Variants in DENND1A observed in about 807,000 individuals in gnomAD.
DENND1A encodes the protein DENN domain containing 1A.
DENND1A carries 51 observed loss-of-function variants against 113.7 expected under a neutral mutation model. The observed-to-expected ratio is 0.45, with a 90% CI of 0.36 to 0.57. The LOEUF (loss-of-function observed/expected upper bound fraction) is 0.57, where lower values mean the gene tolerates loss of function less well. Among genes scored for constraint, DENND1A ranks in the 20% least tolerant of loss-of-function variants. DENND1A has a pLI of 0.00. For synonymous variants in DENND1A, 565 were observed against 570.8 expected, an observed-to-expected ratio of 0.99 and a Z score of 0.14; for missense variants, 1,258 against 1,395.9, an observed-to-expected ratio of 0.90 and a Z score of 1.57.
intron 13 of DENND1A, among the ~76,000 whole-genome samples, chr9:123,491,473 G>T (rs1055664690): frequency 1.3e-5 from 2 of 152,128 alleles, no homozygotes; most frequent in African/African-American, 4.8e-5. Context: ...CGCATTGTGG[G>T]GCCTTACCTT....
At chr9:123,674,349 CACACA>C (rs2063931512) in intron 6 of DENND1A, among the ~76,000 whole-genome samples, 1 of 89,912 alleles carries the variant, frequency 1.1e-5, no homozygotes, top group South Asian at 3.4e-4. Context: ...CTCTCACACA[CACACA>C]CACACACACA....
Position 123,381,894 on chromosome 9 carries a change from C to A in DENND1A, c.2751G>T (p.Gly917=). ...PLVSTPAGPF[G]APPASLGPAF... is the part of the protein sequence containing the mutation. Reference sequence around the variant, plus strand: ...CCGGCCCCAGGGAAGCTGGAGGGGCCCCGAAAGGCCCGGCTGGTGTGGAGA... The same window carrying A: ...CCGGCCCCAGGGAAGCTGGAGGGGCACCGAAAGGCCCGGCTGGTGTGGAGA... The change falls in exon 24 of 24, where the codon GGG becomes GGT. Residue 917 remains glycine, a synonymous_variant. Coordinates refer to ENST00000394215, the MANE Select transcript of DENND1A (RefSeq NM_001352964.2). This position sits in a 1 kb window ranked among gnomAD's most constrained non-coding sequence, Gnocchi z 4.7. The A allele has an allele frequency of 6.9e-7, 1 of 1,455,062 alleles. No homozygotes were observed. The highest frequency in any genetic ancestry group is 9.1e-7 in the Non-Finnish European group (1 of 1,103,204). The allele number at this position is 1,455,062 out of a possible 1,614,324, so 90.1% of individuals were successfully genotyped here. A position where few individuals can be genotyped will look rare whatever the true frequency, so the allele number is the denominator to read the frequency against.
intron 12 of DENND1A, among the ~76,000 whole-genome samples, chr9:123,560,576 G>C (rs927771239): frequency 1.3e-5 from 2 of 151,874 alleles, no homozygotes; most frequent in Non-Finnish European, 2.9e-5. Flanking sequence ...TGTAGTCTCA[G>C]CTACTTAGAA....
chr9:123,674,790 C>T (rs1168412640), intron 6 of DENND1A, among the ~76,000 whole-genome samples: 1 of 151,586 alleles, frequency 6.6e-6, no homozygotes, highest in African/African-American at 2.4e-5. Flanking sequence ...TTTCCCAAAT[C>T]ACATGTTTTA....
At chr9:123,592,979 T>C (rs2059528750) in intron 11 of DENND1A, among the ~76,000 whole-genome samples, 1 of 152,228 alleles carries the variant, frequency 6.6e-6, no homozygotes, top group African/African-American at 2.4e-5. Flanking sequence ...TTAGTTATTA[T>C]TATAAAAAAT....
intron 1 of DENND1A, among the ~76,000 whole-genome samples, chr9:123,913,136 A>C (rs1449158139): frequency 1.3e-5 from 2 of 151,884 alleles, no homozygotes; most frequent in Non-Finnish European, 1.5e-5. Flanking sequence ...AAAAAAAAAA[A>C]AACCTTCAAA....
rs564226762 is a variant in DENND1A, at chr9:123,403,339, G to A, written c.1631+63C>T. ...GGCCGGGGCTACACGCTTGGGCTTC[G>A]CAAAGTGCTGGCTCCGCAGACACAG... is the stretch of plus-strand genomic sequence containing the variant. On this transcript the variant is annotated intron_variant, in intron 21 of 23. Transcript: ENST00000394215. The A allele has an allele frequency of 1.8e-4, 278 of 1,568,710 alleles. 1 individual carries two copies. The East Asian group carries it at 5.8e-3, about 32-fold the overall frequency.
At chr9:123,633,458 C>T (rs935597114) in intron 9 of DENND1A, among the ~76,000 whole-genome samples, 2 of 152,174 alleles carry the variant, frequency 1.3e-5, no homozygotes, top group Non-Finnish European at 2.9e-5. Context: ...CCATGAGTCT[C>T]ACAGAGTAAG....
At chr9:123,805,606 G>C (rs1835409857) in intron 2 of DENND1A, among the ~76,000 whole-genome samples, 1 of 151,828 alleles carries the variant, frequency 6.6e-6, no homozygotes, top group Non-Finnish European at 1.5e-5. Context: ...GCTAATTTTT[G>C]AATTATTATT....
intron 12 of DENND1A, among the ~76,000 whole-genome samples, chr9:123,561,728 A>G (rs1440135557): frequency 6.6e-6 from 1 of 152,064 alleles, no homozygotes; most frequent in Non-Finnish European, 1.5e-5. Flanking sequence ...GACAAGGCAA[A>G]GGAAAGAGGG....
At chr9:123,748,489 T>C (rs892761801) in intron 5 of DENND1A, among the ~76,000 whole-genome samples, 3 of 152,206 alleles carry the variant, frequency 2.0e-5, no homozygotes, top group South Asian at 4.1e-4. Context: ...TGCAGTCTTA[T>C]GGGGCCTCTC....
chr9:123,481,308 T>C (rs772207145), intron 13 of DENND1A, among the ~76,000 whole-genome samples: 3 of 152,308 alleles, frequency 2.0e-5, no homozygotes, highest in Non-Finnish European at 4.4e-5. Context: ...ATGGTGGGGA[T>C]GGCAACTACC....
rs1254333847 is a variant in DENND1A, at chr9:123,383,879, T to C, written c.1795A>G (p.Ser599Gly). Residue 599 changes from serine to glycine, a missense_variant, in exon 23 of 24, where the codon AGC becomes GGC. Ser to Gly is a moderately conservative substitution (Grantham distance 56). Coordinates refer to ENST00000394215, the MANE Select transcript of DENND1A (RefSeq NM_001352964.2). ...CTCTCTGCCTCGTCGCCTTCCGCGC[T>C]GTCTGACTCCCTGAGTGTCCGATAC... ...QPYRTLRESD[S>G]AEGDEAESPE... 6.8e-6 allele frequency: 11 copies of C among 1,612,752 alleles called. No individual in the cohort carries two copies. In the South Asian group the frequency reaches 7.7e-5, roughly 11 times the overall value.
intron 19 of DENND1A, among the ~76,000 whole-genome samples, chr9:123,424,378 C>T (rs191104118): frequency 3.9e-5 from 6 of 152,158 alleles, no homozygotes; most frequent in Non-Finnish European, 7.4e-5. Context: ...GCAGGACATC[C>T]GGCTGCCCGC....
intron 20 of DENND1A, among the ~76,000 whole-genome samples, chr9:123,410,669 C>T (rs1030142227): frequency 6.6e-6 from 1 of 152,186 alleles, no homozygotes; most frequent in Non-Finnish European, 1.5e-5. Flanking sequence ...GTGCATCTCC[C>T]CAGGTGAACA....
intron 7 of DENND1A, among the ~76,000 whole-genome samples, chr9:123,669,226 A>T (rs893996625): frequency 5.9e-5 from 9 of 152,168 alleles, no homozygotes; most frequent in African/African-American, 2.2e-4. Context: ...CCATTTTATC[A>T]ACATTTCAGG....
At chr9:123,619,592 G>T (rs1272697956) in intron 10 of DENND1A, among the ~76,000 whole-genome samples, 1 of 152,026 alleles carries the variant, frequency 6.6e-6, no homozygotes, top group African/African-American at 2.4e-5. Flanking sequence ...GCTAATTTTT[G>T]TATTTGTTTT....
intron 12 of DENND1A, among the ~76,000 whole-genome samples, chr9:123,571,220 G>A (rs1034171053): frequency 6.6e-6 from 1 of 152,108 alleles, no homozygotes; most frequent in Non-Finnish European, 1.5e-5. Context: ...CTAAAAATCA[G>A]CAGAGTTGTT....
intron 5 of DENND1A, among the ~76,000 whole-genome samples, chr9:123,753,677 G>C (rs1216001136): frequency 6.6e-6 from 1 of 150,616 alleles, no homozygotes. Flanking sequence ...ACAATATCTT[G>C]GATAAGCACT....
Sources: gnomAD v4.1 joint callset for allele counts (sites outside exome capture counted in the v4.1 genomes callset) on GRCh38, gnomAD v4.1.1 for gene constraint, Gnocchi (gnomAD v3.1) non-coding constraint, MANE v1.5 for transcripts, NCBI Gene and HGNC (gene_info 2026-07-23, HGNC 2026-07-21) for gene names.